The following BMPR2 variants were observed in gnomAD, a reference collection of about 807,000 sequenced individuals.
BMPR2 encodes bone morphogenetic protein receptor type-2.
In BMPR2, 29 loss-of-function variants were observed where a neutral mutation model predicts 100.8. That is an observed-to-expected ratio of 0.29 (90% CI 0.21 to 0.39). The LOEUF (loss-of-function observed/expected upper bound fraction) is 0.39, where lower values mean the gene tolerates loss of function less well. Among genes scored for constraint, BMPR2 ranks in the 10% least tolerant of loss-of-function variants. BMPR2 has a pLI of 1.00. For synonymous variants in BMPR2, 382 were observed against 442.3 expected, an observed-to-expected ratio of 0.86 and a Z score of 1.71; for missense variants, 1,011 against 1,274.5, an observed-to-expected ratio of 0.79 and a Z score of 3.15.
intron 1 of BMPR2, among the ~76,000 whole-genome samples, chr2:202,391,443 TA>T (rs113689376): frequency 3.3e-5 from 5 of 151,956 alleles, no homozygotes; most frequent in African/African-American, 1.2e-4. Context: ...TAGCTGGGAC[TA>T]CAAGTGTGTA....
intron 3 of BMPR2, among the ~76,000 whole-genome samples, chr2:202,481,987 A>AC (rs1692669882): frequency 6.6e-6 from 1 of 152,024 alleles, no homozygotes; most frequent in Non-Finnish European, 1.5e-5. Flanking sequence ...ACTCACTATT[A>AC]CCCCTTCTTC....
intron 3 of BMPR2, among the ~76,000 whole-genome samples, chr2:202,480,725 G>T (rs1244327170): frequency 6.6e-6 from 1 of 151,740 alleles, no homozygotes; most frequent in African/African-American, 2.4e-5. Context: ...AGGCCGAGGC[G>T]GGTGGATCAT....
At chr2:202,506,555 A>G (rs1687524280) in intron 3 of BMPR2, among the ~76,000 whole-genome samples, 1 of 152,028 alleles carries the variant, frequency 6.6e-6, no homozygotes, top group African/African-American at 2.4e-5. Flanking sequence ...CTACCTCCAT[A>G]TACTGTCACG....
chr2:202,420,057 G>C (rs1691227148), intron 1 of BMPR2, among the ~76,000 whole-genome samples: 1 of 151,984 alleles, frequency 6.6e-6, no homozygotes, highest in Admixed American at 6.6e-5. Flanking sequence ...GTCATTTGCT[G>C]TAAAGAAATC....
intron 1 of BMPR2, among the ~76,000 whole-genome samples, chr2:202,381,929 T>C (rs1344477408): frequency 1.3e-5 from 2 of 152,052 alleles, no homozygotes; most frequent in African/African-American, 4.8e-5. Context: ...CTCTAATGGG[T>C]AAATTCTAAC....
rs147121337 is a variant in BMPR2 at position 202,552,099 on chromosome 2, C to T, written c.1414-617C>T. ...CGAACTCCTGACCTCGTGATCCACC[C>T]GACTTGGCCTCCCAAAGTGCTGGGA... On this transcript the variant is annotated intron_variant, in intron 10 of 12. Coordinates refer to ENST00000374580, the MANE Select transcript of BMPR2 (RefSeq NM_001204.7). 6.0e-3 allele frequency among the ~76,000 whole-genome samples: 911 copies of T among 152,162 alleles called. 16 individuals are homozygous for T. Among genetic ancestry groups the T allele is most frequent in the African/African-American group, 0.021 (869 of 41,508 alleles).
chr2:202,483,468 G>GC (rs1344730754), intron 3 of BMPR2, among the ~76,000 whole-genome samples: 8 of 150,078 alleles, frequency 5.3e-5, no homozygotes, highest in Admixed American at 3.3e-4. Flanking sequence ...TGCAATCTCC[G>GC]CCCCCCACCC....
Position 202,377,104 on chromosome 2 carries a change from C to T in BMPR2, c.-371C>T, listed in dbSNP as rs576324893. On this transcript the variant is annotated 5_prime_UTR_variant, in exon 1 of 13. Coordinates refer to ENST00000374580, the MANE Select transcript of BMPR2 (RefSeq NM_001204.7). ...CCGGATCGAATCCCCGCCCTCCGCA[C>T]CCTGGATATGTTTTCTCCCAGACCT... The T allele has an allele frequency of 1.7e-4, 95 of 550,348 alleles. No individual in the cohort carries two copies. The highest frequency in any genetic ancestry group is 1.6e-3 in the African/African-American group (86 of 52,224). The allele number at this position is 550,348 out of a possible 1,614,324, so 34.1% of individuals were successfully genotyped here.
intron 1 of BMPR2, among the ~76,000 whole-genome samples, chr2:202,444,106 T>C (rs1420771698): frequency 1.3e-5 from 2 of 150,756 alleles, no homozygotes; most frequent in African/African-American, 2.5e-5. Context: ...TTGAGAACTT[T>C]ATGGCCCTAA....
intron 5 of BMPR2, among the ~76,000 whole-genome samples, chr2:202,518,526 T>C (rs1281108623): frequency 6.6e-6 from 1 of 152,210 alleles, no homozygotes; most frequent in African/African-American, 2.4e-5. Flanking sequence ...AATGGGTAGC[T>C]TGCCCCATAC....
At chr2:202,519,141 C>A in intron 6 of BMPR2, 89 bp downstream of exon 6, 1 of 1,326,888 alleles carries the variant, frequency 7.5e-7, no homozygotes, top group Non-Finnish European at 1.1e-6. Context: ...GCAGGTGGAT[C>A]ACTTGAGGCC....
rs1257623881 is a variant in BMPR2, at chr2:202,559,726, G to A, written c.2897G>A (p.Gly966Glu). 1 of 1,614,076 alleles carries A rather than the reference G, an allele frequency of 6.2e-7. No homozygotes were observed. Among genetic ancestry groups the A allele is most frequent in the Non-Finnish European group, 8.5e-7 (1 of 1,180,012 alleles). The change falls in exon 13 of 13, where the codon GGA (glycine) becomes GAA (glutamate). Residue 966 changes from glycine (G) to glutamate (E), a missense_variant. Gly to Glu is a moderately conservative substitution (Grantham distance 98). Coordinates refer to ENST00000374580, the MANE Select transcript of BMPR2 (RefSeq NM_001204.7). ...IGESTQDGKS[G>E]SGEKIKKRVK... is the part of the protein sequence containing the mutation. ...GAGTCAACACAAGATGGCAAATCAG[G>A]ATCAGGTGAAAAGATCAAGAAACGT...
At chr2:202,421,310 G>GAAAA (rs35984037) in intron 1 of BMPR2, among the ~76,000 whole-genome samples, 2 of 94,884 alleles carry the variant, frequency 2.1e-5, no homozygotes, top group African/African-American at 7.5e-5. Context: ...TCTCCAAAAG[G>GAAAA]AAAAAAAAAA....
At chr2:202,447,451 GGAGCCT>G (rs2105944544) in intron 1 of BMPR2, among the ~76,000 whole-genome samples, 1 of 150,844 alleles carries the variant, frequency 6.6e-6, no homozygotes, top group South Asian at 2.1e-4. Flanking sequence ...CAACACTGTG[GGAGCCT>G]GAGGTGGGAG....
In BMPR2 at chr2:202,503,596, C is replaced by T. The variant is rs1687454023; in HGVS notation, c.419-10123C>T. On this transcript the variant is annotated intron_variant, in intron 3 of 12. Transcript: ENST00000374580. The surrounding 1 kb of genome is among the most constrained non-coding windows in gnomAD (Gnocchi z 4.0). ...CTCTCAGTTTCTCACTGGGTCTTAG[C>T]TGCCTTCCCACAGGGCAGGGCTCGG... is the stretch of plus-strand genomic sequence containing the variant. Among the ~76,000 whole-genome samples the T allele has an allele frequency of 6.6e-6, 1 of 152,254 alleles. No homozygotes were observed. Among genetic ancestry groups the T allele is most frequent in the African/African-American group, 2.4e-5 (1 of 41,466 alleles).
chr2:202,395,024 C>T (rs1158073636), intron 1 of BMPR2, among the ~76,000 whole-genome samples: 2 of 149,676 alleles, frequency 1.3e-5, no homozygotes, highest in Non-Finnish European at 3.0e-5. Context: ...GCTGGGACTA[C>T]AGGTGCCCGC....
intron 1 of BMPR2, among the ~76,000 whole-genome samples, chr2:202,431,967 G>T (rs906252566): frequency 5.3e-5 from 8 of 149,984 alleles, no homozygotes; most frequent in Non-Finnish European, 1.0e-4. Flanking sequence ...AGTTTCTTAC[G>T]TTTTTCCAGA....
intron 3 of BMPR2, among the ~76,000 whole-genome samples, chr2:202,510,885 T>C (rs1220284165): frequency 1.3e-5 from 2 of 152,088 alleles, no homozygotes; most frequent in Non-Finnish European, 2.9e-5. Flanking sequence ...TTCACCATGT[T>C]GGTCAGGCTG....
At chr2:202,540,390 T>C (rs1306355657) in intron 9 of BMPR2, among the ~76,000 whole-genome samples, 2 of 152,218 alleles carry the variant, frequency 1.3e-5, no homozygotes, top group Non-Finnish European at 2.9e-5. Flanking sequence ...AGTGATATAC[T>C]AACTGCCATG....
Sources: gnomAD v4.1 joint callset for allele counts (sites outside exome capture counted in the v4.1 genomes callset) on GRCh38, gnomAD v4.1.1 for gene constraint, Gnocchi (gnomAD v3.1) non-coding constraint, MANE v1.5 for transcripts, NCBI Gene and HGNC (gene_info 2026-07-23, HGNC 2026-07-21) for gene names.